NTRK2: variants seen among roughly 807,000 people sequenced by gnomAD.
NTRK2 encodes neurotrophic receptor tyrosine kinase 2.
Under a neutral mutation model 94.5 loss-of-function variants are expected in NTRK2, and 13 were observed. The ratio of observed to expected loss-of-function variants is 0.14; its 90% CI spans 0.09 to 0.22. The LOEUF is 0.22. NTRK2 is among the 10% of genes least tolerant of loss of function. The pLI, the probability that NTRK2 is intolerant of heterozygous loss-of-function variation, is 1.00. For synonymous variants in NTRK2, 372 were observed against 407.4 expected, an observed-to-expected ratio of 0.91 and a Z score of 1.05; for missense variants, 639 against 1,071.2, an observed-to-expected ratio of 0.60 and a Z score of 5.63.
At chr9:84,865,913 T>C (rs12002424) in intron 13 of NTRK2, among the ~76,000 whole-genome samples, 22,911 of 152,274 alleles carry the variant, frequency 0.15, 1,790 homozygotes, top group Admixed American at 0.18. Flanking sequence ...TAGACCTTTA[T>C]CTTTGTGCAT....
intron 12 of NTRK2, chr9:84,815,494 G>T: frequency 9.7e-7 from 1 of 1,035,674 alleles, no homozygotes; most frequent in Non-Finnish European, 1.2e-6. Flanking sequence ...TCCAGAGGCA[G>T]CCTGTGAATC....
intron 11 of NTRK2, among the ~76,000 whole-genome samples, chr9:84,747,480 T>G (rs1264856477): frequency 2.1e-5 from 3 of 142,116 alleles, no homozygotes; most frequent in African/African-American, 7.9e-5. Context: ...TGGGTTTTTT[T>G]TTTTTTTTTT....
rs915594426 is a variant in NTRK2 at position 84,834,734 on chromosome 9, C to T, written c.1397-26306C>T. Among the ~76,000 whole-genome samples, 7 of 152,178 alleles carry T rather than the reference C, an allele frequency of 4.6e-5. 1 individual carries two copies. Among genetic ancestry groups the T allele is most frequent in the Non-Finnish European group, 1.0e-4 (7 of 68,036 alleles). ...AACAGGAAAGGCATCTGTAACATTA[C>T]GCACAAACCATTACTCATACACAGG... is the stretch of plus-strand genomic sequence containing the variant. On this transcript the variant is annotated intron_variant, in intron 12 of 18. Transcript: ENST00000277120.
intron 12 of NTRK2, among the ~76,000 whole-genome samples, chr9:84,847,921 C>CT (rs959005877): frequency 6.6e-6 from 1 of 152,156 alleles, no homozygotes. Context: ...GCTTAAACAA[C>CT]AGACATTTAT....
Position 84,797,583 on chromosome 9 carries a change from A to G in NTRK2, c.1396+45498A>G, listed in dbSNP as rs1380579190. ...ATACTATATATTATATATATTATAT[A>G]TACTATATATACTATATATTATATA... On this transcript the variant is annotated intron_variant, in intron 12 of 18. Coordinates refer to ENST00000277120, the MANE Select transcript of NTRK2 (RefSeq NM_006180.6). Among the ~76,000 whole-genome samples the G allele has an allele frequency of 4.0e-3, 365 of 92,232 alleles. 26 individuals are homozygous for G. Among genetic ancestry groups the G allele is most frequent in the African/African-American group, 0.015 (350 of 22,626 alleles). 60.5% of individuals were successfully genotyped at this position (92,232 alleles called of 152,430 possible). A position where few individuals can be genotyped will look rare whatever the true frequency, so the allele number is the denominator to read the frequency against.
chr9:84,878,131 G>T (rs114102366), intron 14 of NTRK2, among the ~76,000 whole-genome samples: 3,811 of 152,172 alleles, frequency 0.025, 159 homozygotes, highest in African/African-American at 0.086. Context: ...TTAAGGCACA[G>T]AATTTAAAGT....
intron 12 of NTRK2, among the ~76,000 whole-genome samples, chr9:84,825,894 G>A (rs1240352320): frequency 6.6e-6 from 1 of 152,220 alleles, no homozygotes; most frequent in Non-Finnish European, 1.5e-5. Context: ...TGAAAAAGAT[G>A]TGATTCTCAG....
intron 2 of NTRK2, among the ~76,000 whole-genome samples, chr9:84,698,337 C>T (rs551490211): frequency 2.0e-5 from 3 of 151,996 alleles, no homozygotes; most frequent in African/African-American, 7.2e-5. Flanking sequence ...TTTCTCACTT[C>T]GCATAGCAGT....
intron 12 of NTRK2, among the ~76,000 whole-genome samples, chr9:84,777,303 A>G (rs983941759): frequency 2.6e-5 from 4 of 152,196 alleles, no homozygotes; most frequent in African/African-American, 9.7e-5. Flanking sequence ...CTCTGGAGAA[A>G]CTCTAACGGA....
chr9:84,670,743 C>T lies in NTRK2; in HGVS notation c.-6C>T. On this transcript the variant is annotated 5_prime_UTR_variant, in exon 2 of 19. Coordinates refer to ENST00000277120, the MANE Select transcript of NTRK2 (RefSeq NM_006180.6). ...CAGGCACTCGGGCTGGCACTGGCTG[C>T]TAGGGATGTCGTCCTGGATAAGGTG... 6.2e-7 allele frequency: 1 copy of T among 1,611,988 alleles called. No individual in the cohort carries two copies. Among genetic ancestry groups the T allele is most frequent in the South Asian group, 1.1e-5 (1 of 91,010 alleles).
intron 17 of NTRK2, among the ~76,000 whole-genome samples, chr9:84,988,589 C>T (rs145853520): frequency 8.8e-4 from 134 of 152,274 alleles, no homozygotes; most frequent in Non-Finnish European, 1.7e-3. Flanking sequence ...CCTGATGCGG[C>T]GAGGGAAATC....
intron 17 of NTRK2, among the ~76,000 whole-genome samples, chr9:84,978,298 C>G (rs758784618): frequency 2.6e-5 from 4 of 152,218 alleles, no homozygotes; most frequent in Non-Finnish European, 4.4e-5. Context: ...TAAAGTGCTG[C>G]TCCAGTGAAC....
At chr9:84,826,172 C>G (rs142378016) in intron 12 of NTRK2, among the ~76,000 whole-genome samples, 1 of 152,160 alleles carries the variant, frequency 6.6e-6, no homozygotes, top group Non-Finnish European at 1.5e-5. Flanking sequence ...GAAATTTATT[C>G]TCATCATTGT....
chr9:84,729,660 T>C (rs181159926), intron 9 of NTRK2, among the ~76,000 whole-genome samples: 3 of 152,354 alleles, frequency 2.0e-5, no homozygotes, highest in Admixed American at 2.0e-4. Flanking sequence ...TTGTCACAAA[T>C]GAGAAACTAA....
At position 84,870,128 on chromosome 9, in the gene NTRK2, C is replaced by T. The variant is rs866180666; in HGVS notation, c.1633+2697C>T. On this transcript the variant is annotated intron_variant, in intron 14 of 18. Coordinates refer to ENST00000277120, the MANE Select transcript of NTRK2 (RefSeq NM_006180.6). ...ATATATATATATATATATATATATA[C>T]ACACACACACACATATATATACACA... is the stretch of plus-strand genomic sequence containing the variant. Among the ~76,000 whole-genome samples the T allele has an allele frequency of 2.7e-3, 268 of 97,834 alleles. 1 individual carries two copies. Among genetic ancestry groups the T allele is most frequent in the African/African-American group, 0.01 (215 of 21,424 alleles). 64.2% of individuals were successfully genotyped at this position (97,834 alleles called of 152,430 possible). A position where few individuals can be genotyped will look rare whatever the true frequency, so the allele number is the denominator to read the frequency against.
intron 12 of NTRK2, among the ~76,000 whole-genome samples, chr9:84,777,815 AG>A (rs2067199256): frequency 7.2e-5 from 11 of 152,170 alleles, no homozygotes; most frequent in Admixed American, 7.2e-4. Flanking sequence ...ATCATGCAAG[AG>A]GTTTGTTTGT....
At chr9:84,741,319 A>G (rs1446597620) in intron 9 of NTRK2, among the ~76,000 whole-genome samples, 1 of 152,210 alleles carries the variant, frequency 6.6e-6, no homozygotes, top group Non-Finnish European at 1.5e-5. Context: ...GAGGAAGTAC[A>G]TTTTATTTTT....
intron 12 of NTRK2, among the ~76,000 whole-genome samples, chr9:84,787,493 C>G (rs1223660595): frequency 6.6e-6 from 1 of 152,042 alleles, no homozygotes; most frequent in Non-Finnish European, 1.5e-5. Flanking sequence ...TGAACTGATC[C>G]CTCACTTATT....
At position 84,670,517 on chromosome 9, in the gene NTRK2, C is replaced by A. The variant is rs2058633381; in HGVS notation, c.-232C>A. 1.8e-6 allele frequency: 1 copy of A among 568,830 alleles called. No homozygotes were observed. The highest frequency in any genetic ancestry group is 3.2e-6 in the Non-Finnish European group (1 of 317,186). The allele number at this position is 568,830 out of a possible 1,614,324, so 35.2% of individuals were successfully genotyped here. A position where few individuals can be genotyped will look rare whatever the true frequency, so the allele number is the denominator to read the frequency against. On this transcript the variant is annotated 5_prime_UTR_variant, in exon 2 of 19. Coordinates refer to ENST00000277120, the MANE Select transcript of NTRK2 (RefSeq NM_006180.6). ...CGCGGAGCTCCGAGCAGCGGTAGCG[C>A]CCCCCTGTAAAGCGGTTCGCTATGC...
Sources: allele counts gnomAD v4.1 joint callset (sites outside exome capture counted in the v4.1 genomes callset), GRCh38; gene constraint gnomAD v4.1.1; transcripts MANE v1.5; gene names NCBI Gene and HGNC (gene_info 2026-07-23, HGNC 2026-07-21).